Variants in TG observed in about 807,000 individuals in gnomAD.
The protein encoded by TG is thyroid hormones.
In TG, 270 loss-of-function variants were observed where a neutral mutation model predicts 324.7. The observed-to-expected ratio is 0.83, with a 90% CI of 0.75 to 0.92. TG has a LOEUF of 0.92. Ranked by LOEUF, TG falls within the 40% of genes least tolerant of loss-of-function variation. TG has a pLI of 0.00. For missense variants in TG, 3,591 were observed against 3,456.4 expected, an observed-to-expected ratio of 1.04 and a Z score of -0.98; for synonymous variants, 1,401 against 1,327.0, an observed-to-expected ratio of 1.06 and a Z score of -1.21.
intron 40 of TG, among the ~76,000 whole-genome samples, chr8:133,028,321 G>A (rs1384354777): frequency 6.6e-5 from 10 of 152,178 alleles, no homozygotes; most frequent in Admixed American, 6.5e-4. Flanking sequence ...AGTTCACAGC[G>A]AGGATCATGT....
chr8:132,938,851 G>A (rs1355451282), intron 25 of TG, among the ~76,000 whole-genome samples: 3 of 152,076 alleles, frequency 2.0e-5, no homozygotes, highest in African/African-American at 7.2e-5. Context: ...AGGAGATTGA[G>A]ACCATCCTGG....
Position 132,893,720 on chromosome 8 carries a change from G to A in TG, c.2792G>A (p.Arg931His), listed in dbSNP as rs150472791. The A allele has an allele frequency of 4.3e-6, 7 of 1,613,916 alleles. No individual in the cohort carries two copies. Among genetic ancestry groups the A allele is most frequent in the African/African-American group, 4.0e-5 (3 of 74,946 alleles). Residue 931 changes from arginine (R) to histidine (H), a missense_variant, in exon 11 of 48, where the codon CGT becomes CAT. Arg to His is a conservative substitution (Grantham distance 29). Coordinates refer to ENST00000220616, the MANE Select transcript of TG (RefSeq NM_003235.5). ...GGCTCCTGTGAGGAAGCAAAGCTCC[G>A]TGTACTGCAGTTCATTAGGGAAACG... ...CPGSCEEAKL[R>H]VLQFIRETEE...
At chr8:133,106,294 G>A (rs1564197472) in intron 43 of TG, 1 of 551,742 alleles carries the variant, frequency 1.8e-6, no homozygotes, top group South Asian at 7.9e-5. Context: ...AGGAGGCAGG[G>A]CCAGGGGGAA....
intron 5 of TG, among the ~76,000 whole-genome samples, chr8:132,880,057 G>A (rs561054851): frequency 2.0e-5 from 3 of 152,364 alleles, no homozygotes; most frequent in African/African-American, 4.8e-5. Context: ...CAGGAAGAGC[G>A]AGGTGCTGGG....
chr8:132,973,612 G>A lies in TG; in HGVS notation c.6199+871G>A, dbSNP rs534508605. 6.6e-5 allele frequency among the ~76,000 whole-genome samples: 10 copies of A among 152,342 alleles called. No homozygotes were observed. The South Asian group carries it at 2.1e-3, about 32-fold the overall frequency. ...CTCAGTTTTTCCATTGGTGAAAACA[G>A]CGAATGAGACTCACTATGATTCTGT... On this transcript the variant is annotated intron_variant, in intron 34 of 47. Transcript: ENST00000220616.
At chr8:132,946,891 G>T (rs1357111482) in intron 26 of TG, among the ~76,000 whole-genome samples, 1 of 152,186 alleles carries the variant, frequency 6.6e-6, no homozygotes, top group Non-Finnish European at 1.5e-5. Context: ...AGTTAAAGAG[G>T]AAAGCTGCAT....
rs148982449 is a variant in TG at position 133,031,823 on chromosome 8, A to G, written c.7239+1800A>G. Reference sequence around the variant, plus strand: ...GGCTCATACAGGCAGTTTCCTTTGCATGGAACAGTTTTTCCCCATCCCCCT... The same window carrying G: ...GGCTCATACAGGCAGTTTCCTTTGCGTGGAACAGTTTTTCCCCATCCCCCT... On this transcript the variant is annotated intron_variant, in intron 41 of 47. Transcript: ENST00000220616. 2.4e-3 allele frequency among the ~76,000 whole-genome samples: 362 copies of G among 152,236 alleles called. 1 individual carries two copies. The highest frequency in any genetic ancestry group is 8.4e-3 in the African/African-American group (347 of 41,538).
intron 26 of TG, among the ~76,000 whole-genome samples, chr8:132,943,070 G>C (rs909192404): frequency 5.3e-5 from 8 of 152,158 alleles, no homozygotes; most frequent in African/African-American, 1.9e-4. Context: ...CTTCTGAGAA[G>C]GACTAACCCT....
At chr8:132,893,187 TGTGA>T (rs1322169404) in intron 10 of TG, among the ~76,000 whole-genome samples, 51 of 140,524 alleles carry the variant, frequency 3.6e-4, no homozygotes, top group Non-Finnish European at 3.0e-4. Flanking sequence ...GTGGTGTGTA[TGTGA>T]GTGTGTGTGG....
chr8:133,049,411 T>G (rs1840018126), intron 41 of TG: 2 of 292,670 alleles, frequency 6.8e-6, no homozygotes, highest in South Asian at 3.2e-5. Context: ...CATTACATCT[T>G]ATTCTCCTAA....
At chr8:132,890,136 A>ATTG (rs1816024437) in intron 10 of TG, among the ~76,000 whole-genome samples, 1 of 128,190 alleles carries the variant, frequency 7.8e-6, no homozygotes, top group South Asian at 2.6e-4. Flanking sequence ...CTTTTTTTTA[A>ATTG]TTGAGTAACA....
At chr8:133,072,170 T>G (rs1230319541) in intron 41 of TG, among the ~76,000 whole-genome samples, 2 of 152,208 alleles carry the variant, frequency 1.3e-5, no homozygotes, top group Admixed American at 6.5e-5. Context: ...GGTTGCAGTC[T>G]GCCTGGTGCT....
At position 132,871,417 on chromosome 8, in the gene TG, C is replaced by T. The variant is rs777124409; in HGVS notation, c.344C>T (p.Ser115Phe). The T allele has an allele frequency of 9.9e-6, 16 of 1,614,098 alleles. No homozygotes were observed. The highest frequency in any genetic ancestry group is 1.3e-5 in the African/African-American group (1 of 74,934). The stretch of plus-strand genomic sequence containing the variant: ...GGCTACATTAACAGCACAGACACCT[C>T]CTACCTCCCTCAGTGTCAGGATTCA... ...LSGYINSTDTSYLPQCQDSGD... is the reference protein window; with the variant it reads ...LSGYINSTDTFYLPQCQDSGD... The change falls in exon 4 of 48, where the codon TCC becomes TTC. Residue 115 changes from serine to phenylalanine, a missense_variant. Coordinates refer to ENST00000220616, the MANE Select transcript of TG (RefSeq NM_003235.5).
intron 45 of TG, among the ~76,000 whole-genome samples, chr8:133,117,855 C>A (rs1850822670): frequency 6.6e-6 from 1 of 152,150 alleles, no homozygotes; most frequent in Admixed American, 6.5e-5. Flanking sequence ...AGGTGGGGGT[C>A]CAGCCACACC....
At chr8:132,914,817 C>G (rs985880055) in intron 20 of TG, among the ~76,000 whole-genome samples, 4 of 152,088 alleles carry the variant, frequency 2.6e-5, no homozygotes, top group Non-Finnish European at 2.9e-5. Context: ...TGGTGCCACC[C>G]CAGGGTGGGT....
At chr8:133,133,359 A>G in intron 46 of TG, 111 bp from the exon 47 acceptor site, 2 of 1,130,240 alleles carry the variant, frequency 1.8e-6, no homozygotes, top group East Asian at 2.4e-5. Context: ...CTTGACACCT[A>G]CAGATACATG....
chr8:132,876,757 A>G (rs913939820), intron 5 of TG, among the ~76,000 whole-genome samples: 5 of 152,216 alleles, frequency 3.3e-5, no homozygotes, highest in African/African-American at 1.2e-4. Context: ...GTAACTGTGG[A>G]CACACATTCT....
intron 33 of TG, 191 bp from the exon 34 acceptor site, chr8:132,972,407 C>T (rs1272372958): frequency 4.6e-6 from 3 of 652,012 alleles, no homozygotes; most frequent in Non-Finnish European, 7.8e-6. Flanking sequence ...TCCCTTTGCT[C>T]TTAGATCAGA....
intron 27 of TG, among the ~76,000 whole-genome samples, chr8:132,949,494 A>G (rs1200029059): frequency 1.3e-5 from 2 of 152,204 alleles, no homozygotes; most frequent in Non-Finnish European, 2.9e-5. Context: ...GTCATGTGCA[A>G]ATAGTATGAC....
Sources: allele counts gnomAD v4.1 joint callset (sites outside exome capture counted in the v4.1 genomes callset), GRCh38; gene constraint gnomAD v4.1.1; transcripts MANE v1.5; gene names NCBI Gene and HGNC (gene_info 2026-07-23, HGNC 2026-07-21).